The following TRPM3 variants were observed in gnomAD, a reference collection of about 807,000 sequenced individuals.
The protein encoded by TRPM3 is transient receptor potential cation channel subfamily M member 3, also known as long transient receptor potential channel 3.
A neutral mutation model predicts 181.2 loss-of-function variants in TRPM3; 77 were observed. The ratio of observed to expected loss-of-function variants is 0.42; its 90% CI spans 0.35 to 0.51. TRPM3 has a LOEUF of 0.51. Among genes scored for constraint, TRPM3 ranks in the 20% least tolerant of loss-of-function variants. The pLI is 0.01. For synonymous variants in TRPM3, 745 were observed against 796.4 expected (o/e 0.94, Z 1.09); for missense variants, 1,759 against 2,196.7 (o/e 0.80, Z 3.98).
At chr9:70,609,933 T>C (rs2061759268) in intron 19 of TRPM3, among the ~76,000 whole-genome samples, 1 of 151,344 alleles carries the variant, frequency 6.6e-6, no homozygotes, top group South Asian at 2.1e-4. Context: ...CACTGAACAG[T>C]AGAAGTAGAG....
At chr9:70,603,099 G>A (rs1238938713) in intron 20 of TRPM3, among the ~76,000 whole-genome samples, 2 of 152,160 alleles carry the variant, frequency 1.3e-5, no homozygotes, top group Admixed American at 6.5e-5. Context: ...GCCTTCTTGG[G>A]ACAAAGGCTA....
intron 3 of TRPM3, among the ~76,000 whole-genome samples, chr9:70,855,736 C>T (rs553523164): frequency 3.9e-5 from 6 of 152,256 alleles, no homozygotes; most frequent in African/African-American, 1.4e-4. Context: ...TTAAAATGGG[C>T]ACTTGTAATT....
chr9:70,784,394 A>C (rs2083131274), intron 6 of TRPM3, 115 bp from the exon 7 acceptor site: 1 of 1,150,700 alleles, frequency 8.7e-7, no homozygotes, highest in Non-Finnish European at 1.2e-6. Flanking sequence ...AGCACGGGGG[A>C]GGTAGCAACA....
Position 71,327,570 on chromosome 9 carries a change from C to T in TRPM3, c.183+119083G>A, listed in dbSNP as rs146957136. On this transcript the variant is annotated intron_variant, in intron 1 of 24. Transcript: ENST00000357533. ...AGGGAAAACAGTGCAATACAAATCA[C>T]GTAATGGTTTTCAACCTAAAAAAGT... 9.8e-4 allele frequency among the ~76,000 whole-genome samples: 149 copies of T among 152,218 alleles called. 1 individual carries two copies. Among genetic ancestry groups the T allele is most frequent in the African/African-American group, 3.4e-3 (143 of 41,520 alleles).
intron 1 of TRPM3, among the ~76,000 whole-genome samples, chr9:71,314,878 AT>A (rs1336528059): frequency 5.3e-5 from 8 of 151,436 alleles, no homozygotes; most frequent in Non-Finnish European, 7.4e-5. Flanking sequence ...AAAAAAAAAA[AT>A]GGGCATCAAC....
chr9:70,818,349 C>A (rs2092882042), intron 6 of TRPM3, among the ~76,000 whole-genome samples: 1 of 152,182 alleles, frequency 6.6e-6, no homozygotes, highest in Admixed American at 6.5e-5. Context: ...TCTTTGCATT[C>A]AATTTAGTAA....
chr9:70,921,091 T>A (rs576360670), intron 1 of TRPM3, among the ~76,000 whole-genome samples: 1 of 152,292 alleles, frequency 6.6e-6, no homozygotes, highest in Non-Finnish European at 1.5e-5. Flanking sequence ...AACAAGCAGA[T>A]TCATTTATCT....
intron 1 of TRPM3, among the ~76,000 whole-genome samples, chr9:71,417,280 T>G (rs2093650960): frequency 6.6e-6 from 1 of 152,014 alleles, no homozygotes; most frequent in Non-Finnish European, 1.5e-5. Context: ...GAGTTTCAAT[T>G]GTTCCACATC....
intron 6 of TRPM3, among the ~76,000 whole-genome samples, chr9:70,813,179 T>C (rs1588707951): frequency 6.6e-6 from 1 of 152,206 alleles, no homozygotes; most frequent in Non-Finnish European, 1.5e-5. Context: ...TCTGAATTCC[T>C]GTAGCACTTT....
At chr9:70,566,542 T>C (rs1188405907) in intron 22 of TRPM3, among the ~76,000 whole-genome samples, 1 of 152,188 alleles carries the variant, frequency 6.6e-6, no homozygotes, top group African/African-American at 2.4e-5. Context: ...TTATTATTTA[T>C]TGTAATCGTT....
chr9:70,571,219 G>T (rs1295829976), intron 22 of TRPM3, among the ~76,000 whole-genome samples: 1 of 152,168 alleles, frequency 6.6e-6, no homozygotes, highest in African/African-American at 2.4e-5. Flanking sequence ...ATGGGTTCAA[G>T]TCTTAGCTCT....
chr9:70,674,921 C>T (rs1028141889), intron 9 of TRPM3, among the ~76,000 whole-genome samples: 2 of 151,186 alleles, frequency 1.3e-5, no homozygotes, highest in Admixed American at 6.6e-5. Context: ...TTTCTTTTTT[C>T]CCCTAAAGAT....
At chr9:70,688,768 G>C (rs1295176759) in intron 8 of TRPM3, among the ~76,000 whole-genome samples, 1 of 152,066 alleles carries the variant, frequency 6.6e-6, no homozygotes, top group Non-Finnish European at 1.5e-5. Flanking sequence ...ACTTTCAGTA[G>C]ACATGTGCAT....
chr9:70,646,498 T>C (rs1418031534), intron 9 of TRPM3, among the ~76,000 whole-genome samples: 1 of 152,044 alleles, frequency 6.6e-6, no homozygotes, highest in Non-Finnish European at 1.5e-5. Context: ...ATGTTCTCAC[T>C]CATAGTGGGA....
Position 70,534,387 on chromosome 9 carries a change from T to C in TRPM3, c.*1566A>G, listed in dbSNP as rs180750692. 1 of 152,230 alleles carries C rather than the reference T, an allele frequency of 6.6e-6. No homozygotes were observed. The highest frequency in any genetic ancestry group is 2.1e-4 in the South Asian group (1 of 4,836). The allele number at this position is 152,230 out of a possible 1,614,324, so 9.4% of individuals were successfully genotyped here. A position where few individuals can be genotyped will look rare whatever the true frequency, so the allele number is the denominator to read the frequency against. On this transcript the variant is annotated 3_prime_UTR_variant, in exon 26 of 26. Transcript: ENST00000677713. ...AATTTCAACATTTGGTCTAATAGTA[T>C]AATGAACTCTTTCAATGGAACTTCT...
intron 6 of TRPM3, among the ~76,000 whole-genome samples, chr9:70,800,698 C>T (rs1217214438): frequency 6.6e-6 from 1 of 152,058 alleles, no homozygotes; most frequent in African/African-American, 2.4e-5. Flanking sequence ...AATATGATTT[C>T]CTTTAGCTTA....
intron 6 of TRPM3, chr9:70,824,358 C>G (rs1379777584): frequency 1.3e-5 from 2 of 152,046 alleles, no homozygotes; most frequent in East Asian, 3.9e-4. Context: ...ACATCTGAAG[C>G]AGGAAATGAA....
chr9:71,333,993 T>C (rs2090391115), intron 1 of TRPM3, among the ~76,000 whole-genome samples: 1 of 151,842 alleles, frequency 6.6e-6, no homozygotes, highest in Non-Finnish European at 1.5e-5. Flanking sequence ...GGTATGCTAA[T>C]AAGGGAAATG....
Position 70,625,429 on chromosome 9 carries a change from A to G in TRPM3, c.1668+53T>C. On this transcript the variant is annotated intron_variant, in intron 13 of 25. Coordinates refer to ENST00000677713, the MANE Select transcript of TRPM3 (RefSeq NM_001366145.2). The surrounding 1 kb of genome is among the most constrained non-coding windows in gnomAD (Gnocchi z 4.8). ...ATTCTGTAACTAGAGTAAAAAAAAA[A>G]TAATGAAAAAAGAAACATATGAATG... 6.3e-7 allele frequency: 1 copy of G among 1,586,520 alleles called. No individual in the cohort carries two copies. Among genetic ancestry groups the G allele is most frequent in the Non-Finnish European group, 8.6e-7 (1 of 1,168,986 alleles).
Sources: gnomAD v4.1 joint callset for allele counts (sites outside exome capture counted in the v4.1 genomes callset) on GRCh38, gnomAD v4.1.1 for gene constraint, Gnocchi (gnomAD v3.1) non-coding constraint, MANE v1.5 for transcripts, NCBI Gene and HGNC (gene_info 2026-07-23, HGNC 2026-07-21) for gene names.